Variants in PPP2R5A observed in about 807,000 individuals in gnomAD.
PPP2R5A encodes the protein protein phosphatase 2 regulatory subunit B'alpha, also known as serine/threonine-protein phosphatase 2A 56 kDa regulatory subunit alpha isoform.
In PPP2R5A, 25 loss-of-function variants were observed where a neutral mutation model predicts 64.2. The ratio of observed to expected loss-of-function variants is 0.39; its 90% CI spans 0.28 to 0.54. PPP2R5A has a LOEUF of 0.54. Ranked by LOEUF, PPP2R5A falls within the 20% of genes least tolerant of loss-of-function variation. The pLI is 0.67. For synonymous variants in PPP2R5A, 198 were observed against 201.2 expected (o/e 0.98, Z 0.13); for missense variants, 425 against 576.3 (o/e 0.74, Z 2.69).
At chr1:212,356,557 C>T in intron 8 of PPP2R5A, 69 bp from the exon 9 acceptor site, 6 of 1,426,114 alleles carry the variant, frequency 4.2e-6, no homozygotes, top group Non-Finnish European at 5.8e-6. Context: ...ATAATCACAG[C>T]TATGGAAAAT....
At chr1:212,292,535 T>C (rs543534206) in intron 1 of PPP2R5A, among the ~76,000 whole-genome samples, 6 of 152,214 alleles carry the variant, frequency 3.9e-5, no homozygotes, top group African/African-American at 1.4e-4. Flanking sequence ...TGTTTGGTGC[T>C]ATCTACCAGA....
chr1:212,298,927 T>C (rs1219621885), intron 1 of PPP2R5A, among the ~76,000 whole-genome samples: 29 of 10,760 alleles, frequency 2.7e-3, no homozygotes, highest in Admixed American at 7.0e-3. Flanking sequence ...GGGCGGGGGG[T>C]TGACCCCCCC....
intron 1 of PPP2R5A, among the ~76,000 whole-genome samples, chr1:212,301,576 T>TTAA (rs1225905537): frequency 9.8e-5 from 15 of 152,348 alleles, no homozygotes; most frequent in South Asian, 2.1e-4. Context: ...TAATAAGTCA[T>TTAA]ATTTAGTCAC....
intron 1 of PPP2R5A, among the ~76,000 whole-genome samples, chr1:212,287,027 TCGA>T (rs1658516966): frequency 6.6e-6 from 1 of 152,202 alleles, no homozygotes; most frequent in East Asian, 1.9e-4. Context: ...TGCTTTGCAG[TCGA>T]ATGGGAACTT....
chr1:212,356,502 C>T, intron 8 of PPP2R5A, 124 bp from the exon 9 acceptor site: 1 of 849,896 alleles, frequency 1.2e-6, no homozygotes, highest in Non-Finnish European at 1.8e-6. Flanking sequence ...TCTATTTATA[C>T]ACATATATTA....
chr1:212,359,926 C>G (rs1660050419), intron 12 of PPP2R5A, among the ~76,000 whole-genome samples: 1 of 152,116 alleles, frequency 6.6e-6, no homozygotes, highest in Non-Finnish European at 1.5e-5. Context: ...TCATTTCTTA[C>G]CTGCATAAAT....
chr1:212,315,012 A>G (rs1345963354), intron 1 of PPP2R5A, among the ~76,000 whole-genome samples: 1 of 152,188 alleles, frequency 6.6e-6, no homozygotes, highest in Non-Finnish European at 1.5e-5. Context: ...CAGCCTAATA[A>G]TTGTTTTAAG....
In PPP2R5A at chr1:212,333,482, AT is replaced by A; in HGVS notation, c.379-9del. On this transcript the variant is annotated splice_polypyrimidine_tract_variant and intron_variant, in intron 2 of 12. Transcript: ENST00000261461. ...CACATACAACAACGAACGTAAAATT[AT>A]TTTTTCTTTACAGATCAGTGCTAAC... is the stretch of plus-strand genomic sequence containing the variant. 6.9e-7 allele frequency: 1 copy of A among 1,453,124 alleles called. No homozygotes were observed. 90.0% of individuals were successfully genotyped at this position (1,453,124 alleles called of 1,614,324 possible).
At chr1:212,288,053 G>A (rs1231710846) in intron 1 of PPP2R5A, among the ~76,000 whole-genome samples, 1 of 151,690 alleles carries the variant, frequency 6.6e-6, no homozygotes, top group African/African-American at 2.4e-5. Context: ...TTTCACTTTC[G>A]TTGCTCAGGC....
chr1:212,294,282 GA>G (rs1658653479), intron 1 of PPP2R5A, among the ~76,000 whole-genome samples: 1 of 151,974 alleles, frequency 6.6e-6, no homozygotes, highest in African/African-American at 2.4e-5. Context: ...TGATAAAAGT[GA>G]AAAAGGGAAA....
intron 4 of PPP2R5A, among the ~76,000 whole-genome samples, chr1:212,345,045 G>A (rs1659749566): frequency 6.6e-6 from 1 of 151,950 alleles, no homozygotes; most frequent in Non-Finnish European, 1.5e-5. Flanking sequence ...TGTGCCTGTA[G>A]TCCCAGCTAG....
rs747600548 is a variant in PPP2R5A, at chr1:212,356,924, CT to C, written c.979-24del. ...TAGTTTCACATAATTTATCATGTTT[CT>C]TAAAATAAAATTTTTTTAACCTAGG... On this transcript the variant is annotated intron_variant, in intron 9 of 12. Coordinates refer to ENST00000261461, the MANE Select transcript of PPP2R5A (RefSeq NM_006243.4). 2.7e-6 allele frequency: 4 copies of C among 1,475,938 alleles called. No homozygotes were observed. The Admixed American group carries it at 8.9e-5, about 33-fold the overall frequency. 91.4% of individuals were successfully genotyped at this position (1,475,938 alleles called of 1,614,324 possible).
At chr1:212,327,092 G>A (rs1425442791) in intron 1 of PPP2R5A, among the ~76,000 whole-genome samples, 3 of 152,132 alleles carry the variant, frequency 2.0e-5, no homozygotes, top group Admixed American at 6.5e-5. Flanking sequence ...GAGTAATTAC[G>A]AAGCATAGGC....
rs1660078190 is a variant in PPP2R5A, at chr1:212,361,368, G to A, written c.*598G>A. The A allele has an allele frequency of 6.6e-6, 1 of 152,564 alleles. No homozygotes were observed. Among genetic ancestry groups the A allele is most frequent in the South Asian group, 2.1e-4 (1 of 4,826 alleles). 9.5% of individuals were successfully genotyped at this position (152,564 alleles called of 1,614,324 possible). Reference sequence around the variant, plus strand: ...AAGCACAAAATATAAATAAAAGCTGGGAAAGTAAACCAAAATTCTTCAGAT... The same window carrying A: ...AAGCACAAAATATAAATAAAAGCTGAGAAAGTAAACCAAAATTCTTCAGAT... On this transcript the variant is annotated 3_prime_UTR_variant, in exon 13 of 13. Coordinates refer to ENST00000261461, the MANE Select transcript of PPP2R5A (RefSeq NM_006243.4).
chr1:212,336,222 C>G (rs1322221753), intron 3 of PPP2R5A, among the ~76,000 whole-genome samples: 3 of 152,176 alleles, frequency 2.0e-5, no homozygotes, highest in Non-Finnish European at 2.9e-5. Flanking sequence ...TCAGATGATT[C>G]TCCTGCCTCA....
chr1:212,328,928 A>AT (rs1216603132), intron 1 of PPP2R5A, among the ~76,000 whole-genome samples: 1 of 145,310 alleles, frequency 6.9e-6, no homozygotes, highest in Admixed American at 6.9e-5. Flanking sequence ...CTTTAAAAAA[A>AT]TTTTTTTAAT....
intron 3 of PPP2R5A, among the ~76,000 whole-genome samples, chr1:212,334,453 CCTG>C (rs1211372744): frequency 6.6e-6 from 1 of 152,066 alleles, no homozygotes; most frequent in Non-Finnish European, 1.5e-5. Flanking sequence ...TGACACTACA[CCTG>C]CTAATTTTTG....
intron 1 of PPP2R5A, among the ~76,000 whole-genome samples, chr1:212,293,573 T>C (rs745587707): frequency 1.3e-5 from 2 of 152,250 alleles, no homozygotes; most frequent in Non-Finnish European, 2.9e-5. Context: ...GCCTAGTTTT[T>C]ATATCTGTCT....
At chr1:212,323,761 G>GA (rs770075282) in intron 1 of PPP2R5A, among the ~76,000 whole-genome samples, 3 of 152,138 alleles carry the variant, frequency 2.0e-5, no homozygotes, top group South Asian at 2.1e-4. Context: ...GGTGCCCAGA[G>GA]AAAGTCTTTT....
Sources: gnomAD v4.1 joint callset for allele counts (sites outside exome capture counted in the v4.1 genomes callset) on GRCh38, gnomAD v4.1.1 for gene constraint, MANE v1.5 for transcripts, NCBI Gene and HGNC (gene_info 2026-07-23, HGNC 2026-07-21) for gene names.